Variants in ZGRF1 observed in about 807,000 individuals in gnomAD.
ZGRF1 encodes the protein 5'-3' DNA helicase ZGRF1.
ZGRF1 carries 196 observed loss-of-function variants against 203.5 expected under a neutral mutation model. The observed-to-expected ratio is 0.96, with a 90% confidence interval of 0.86 to 1.08. The LOEUF (loss-of-function observed/expected upper bound fraction) is 1.08, where lower values mean the gene tolerates loss of function less well. Among genes scored for constraint, ZGRF1 ranks in the 50% least tolerant of loss-of-function variants. The pLI, the probability that ZGRF1 is intolerant of heterozygous loss-of-function variation, is 0.00. For synonymous variants in ZGRF1, 809 were observed against 841.3 expected, an observed-to-expected ratio of 0.96 and a Z score of 0.66; for missense variants, 2,326 against 2,416.3, an observed-to-expected ratio of 0.96 and a Z score of 0.78.
At position 112,633,146 on chromosome 4, in the gene ZGRF1, T is replaced by C. The variant is rs2047468174; in HGVS notation, c.21+10A>G. The C allele has an allele frequency of 6.2e-7, 1 of 1,608,500 alleles. No individual in the cohort carries two copies. The highest frequency in any genetic ancestry group is 1.3e-5 in the African/African-American group (1 of 74,940). On this transcript the variant is annotated intron_variant, in intron 2 of 27. Coordinates refer to ENST00000505019, the MANE Select transcript of ZGRF1 (RefSeq NM_018392.5). ...AATTTCACCAAACTGTGAAAAATGG[T>C]AAAACTTACAATAAATTCTTGGCTT...
At chr4:112,601,538 C>T (rs1749977335) in intron 10 of ZGRF1, among the ~76,000 whole-genome samples, 1 of 150,794 alleles carries the variant, frequency 6.6e-6, no homozygotes, top group African/African-American at 2.4e-5. Context: ...CACGCCACTG[C>T]ACTCCAGACT....
intron 16 of ZGRF1, among the ~76,000 whole-genome samples, chr4:112,563,563 A>G (rs1359467109): frequency 2.0e-5 from 3 of 152,214 alleles, no homozygotes; most frequent in African/African-American, 7.2e-5. Context: ...AGGAAGAAGG[A>G]GGGCAGAGAC....
chr4:112,607,936 G>C (rs576567954), intron 8 of ZGRF1: 1 of 150,980 alleles, frequency 6.6e-6, no homozygotes, highest in South Asian at 2.1e-4. Flanking sequence ...GTAAGAACCC[G>C]TCTGAAAAAA....
intron 8 of ZGRF1, among the ~76,000 whole-genome samples, chr4:112,606,873 C>T (rs888057920): frequency 1.3e-5 from 2 of 152,076 alleles, no homozygotes; most frequent in African/African-American, 4.8e-5. Flanking sequence ...ATTTTTAGTT[C>T]ATCAAGTAAT....
Position 112,541,129 on chromosome 4 carries a change from G to C in ZGRF1, c.5738C>G (p.Pro1913Arg). Reference protein sequence around the residue: ...IERSPLLEWLPTLCFYNVKGL... With the variant: ...IERSPLLEWLRTLCFYNVKGL... ...TTTAACATTATAAAAACACAGGGTT[G>C]GTAGCCATTCCAATAAAGGGCTCCG... Residue 1913 changes from proline to arginine, a missense_variant, in exon 25 of 28, where the codon CCA becomes CGA. By Grantham distance (103) the Pro-to-Arg change is moderately radical. Transcript: ENST00000505019. 1.2e-6 allele frequency: 2 copies of C among 1,605,234 alleles called. No homozygotes were observed. The highest frequency in any genetic ancestry group is 1.7e-6 in the Non-Finnish European group (2 of 1,175,426).
At chr4:112,585,988 C>T (rs1195202995) in intron 13 of ZGRF1, among the ~76,000 whole-genome samples, 2 of 151,038 alleles carry the variant, frequency 1.3e-5, no homozygotes, top group Non-Finnish European at 1.5e-5. Flanking sequence ...CTGTAATCAA[C>T]GCACTTTGGG....
chr4:112,605,868 G>T (rs914012115), intron 9 of ZGRF1, 140 bp downstream of exon 9: 20 of 640,064 alleles, frequency 3.1e-5, no homozygotes, highest in Non-Finnish European at 5.5e-5. Flanking sequence ...AGTTTTTCTT[G>T]TTCTTAAAAC....
intron 10 of ZGRF1, among the ~76,000 whole-genome samples, chr4:112,594,744 C>T (rs776080555): frequency 1.4e-4 from 22 of 151,970 alleles, no homozygotes; most frequent in Admixed American, 7.9e-4. Flanking sequence ...TGAGCCACCA[C>T]GCCTGGCCTA....
chr4:112,587,217 T>C (rs1747330535), intron 12 of ZGRF1, 63 bp downstream of exon 12: 2 of 1,476,996 alleles, frequency 1.4e-6, no homozygotes, highest in Non-Finnish European at 9.1e-7. Flanking sequence ...TGGTAATTCT[T>C]TTGTTGAAAT....
intron 10 of ZGRF1, among the ~76,000 whole-genome samples, chr4:112,594,342 C>G (rs1041963699): frequency 2.0e-5 from 3 of 152,062 alleles, no homozygotes; most frequent in African/African-American, 7.2e-5. Flanking sequence ...ACATGTCCTG[C>G]ACATTTCTAA....
intron 4 of ZGRF1, among the ~76,000 whole-genome samples, chr4:112,622,882 G>A (rs544742002): frequency 4.6e-5 from 7 of 152,188 alleles, no homozygotes; most frequent in South Asian, 2.1e-4. Flanking sequence ...AGGTAAACCC[G>A]TGTCATGGCG....
chr4:112,570,786 T>C (rs993464101), intron 16 of ZGRF1, among the ~76,000 whole-genome samples: 3 of 151,980 alleles, frequency 2.0e-5, no homozygotes, highest in Non-Finnish European at 2.9e-5. Flanking sequence ...AACTGAATTA[T>C]AATGAAAAAA....
intron 16 of ZGRF1, among the ~76,000 whole-genome samples, chr4:112,580,508 A>C (rs1157097368): frequency 6.6e-6 from 1 of 151,720 alleles, no homozygotes; most frequent in African/African-American, 2.4e-5. Flanking sequence ...GAATGGGAGA[A>C]AATTTTTGCA....
intron 8 of ZGRF1, among the ~76,000 whole-genome samples, chr4:112,607,412 G>A (rs559327855): frequency 1.3e-4 from 20 of 152,292 alleles, no homozygotes; most frequent in African/African-American, 4.3e-4. Context: ...GGGATTACCC[G>A]TGTGAGCCAC....
intron 16 of ZGRF1, among the ~76,000 whole-genome samples, chr4:112,564,208 T>C (rs1172084447): frequency 6.6e-6 from 1 of 152,208 alleles, no homozygotes; most frequent in Non-Finnish European, 1.5e-5. Context: ...AAAATAGTAA[T>C]ATACTATTCC....
At chr4:112,573,599 AT>A (rs982458101) in intron 16 of ZGRF1, among the ~76,000 whole-genome samples, 1 of 152,190 alleles carries the variant, frequency 6.6e-6, no homozygotes, top group African/African-American at 2.4e-5. Context: ...ACCGTAAAAC[AT>A]TTAGTAGAAA....
chr4:112,620,026 G>A lies in ZGRF1; in HGVS notation c.327C>T (p.Pro109=), dbSNP rs771300329. The change falls in exon 5 of 28, where the codon CCC becomes CCT. Residue 109 remains proline (P), a synonymous_variant. Transcript: ENST00000505019. ...CAGTAAACTTCCTTTTTAAGCCAGAGGGCTGACATCCAAGAGATCGGCCAG... is the reference window on the plus strand; with the variant it reads ...CAGTAAACTTCCTTTTTAAGCCAGAAGGCTGACATCCAAGAGATCGGCCAG... ...ISSGRSLGCQ[P]SGLKRKFTGF... 1 of 1,595,314 alleles carries A rather than the reference G, an allele frequency of 6.3e-7. No individual in the cohort carries two copies. Among genetic ancestry groups the A allele is most frequent in the Non-Finnish European group, 8.5e-7 (1 of 1,173,850 alleles).
chr4:112,557,894 A>G (rs1299709063), intron 20 of ZGRF1, among the ~76,000 whole-genome samples: 1 of 152,144 alleles, frequency 6.6e-6, no homozygotes, highest in Non-Finnish European at 1.5e-5. Context: ...CTAGCCCTAC[A>G]TGTTCTTGGC....
At chr4:112,558,390 G>C (rs774895330) in intron 19 of ZGRF1, 81 bp from the exon 20 acceptor site, 2 of 1,209,444 alleles carry the variant, frequency 1.7e-6, no homozygotes, top group Non-Finnish European at 2.2e-6. Flanking sequence ...TTGAGACAGA[G>C]TCTCACTCAC....
Sources: allele counts gnomAD v4.1 joint callset (sites outside exome capture counted in the v4.1 genomes callset), GRCh38; gene constraint gnomAD v4.1.1; transcripts MANE v1.5; gene names NCBI Gene and HGNC (gene_info 2026-07-23, HGNC 2026-07-21).